Variants in DCBLD2 observed in about 807,000 individuals in gnomAD.
DCBLD2 encodes discoidin, CUB and LCCL domain-containing protein 2.
Under a neutral mutation model 86.8 loss-of-function variants are expected in DCBLD2, and 54 were observed. That is an observed-to-expected ratio of 0.62 (90% CI 0.50 to 0.78). DCBLD2 has a LOEUF of 0.78. DCBLD2 is among the 30% of genes least tolerant of loss of function. The probability of loss-of-function intolerance (pLI) is 0.00; values close to 1 mark genes in which losing one functional copy is unlikely to be tolerated. For synonymous variants in DCBLD2, 354 were observed against 341.3 expected (o/e 1.04, Z -0.41); for missense variants, 908 against 954.2 (o/e 0.95, Z 0.64).
chr3:98,900,212 G>C (rs184103831), intron 1 of DCBLD2, among the ~76,000 whole-genome samples: 273 of 152,204 alleles, frequency 1.8e-3, no homozygotes, highest in African/African-American at 5.7e-3. Flanking sequence ...TAAAGGCAGA[G>C]AACAATTTTC....
At chr3:98,835,938 CTT>C (rs66958811) in intron 3 of DCBLD2, among the ~76,000 whole-genome samples, 1 of 115,054 alleles carries the variant, frequency 8.7e-6, no homozygotes, top group African/African-American at 3.4e-5. Flanking sequence ...TCCTTTCTTT[CTT>C]TTTTTTTTTT....
intron 3 of DCBLD2, among the ~76,000 whole-genome samples, chr3:98,826,184 C>A (rs952445021): frequency 6.6e-6 from 1 of 151,720 alleles, no homozygotes; most frequent in East Asian, 1.9e-4. Context: ...GCAAAAAAAA[C>A]AAAACAAAAC....
At chr3:98,838,641 G>C (rs1942536943) in intron 3 of DCBLD2, among the ~76,000 whole-genome samples, 1 of 152,084 alleles carries the variant, frequency 6.6e-6, no homozygotes. Context: ...TTCCCAGACG[G>C]GGTGGCGGCT....
chr3:98,879,850 A>G (rs1464379888), intron 2 of DCBLD2, among the ~76,000 whole-genome samples: 1 of 152,152 alleles, frequency 6.6e-6, no homozygotes, highest in African/African-American at 2.4e-5. Context: ...CCTTACACTC[A>G]GTAGAATGTA....
chr3:98,898,208 C>T (rs1388175050), intron 1 of DCBLD2, among the ~76,000 whole-genome samples: 1 of 151,258 alleles, frequency 6.6e-6, no homozygotes, highest in Non-Finnish European at 1.5e-5. Context: ...TGTGAAAAGT[C>T]GGTAAGTTTT....
intron 2 of DCBLD2, among the ~76,000 whole-genome samples, chr3:98,864,401 G>T (rs202187146): frequency 1.6e-5 from 1 of 63,792 alleles, no homozygotes; most frequent in African/African-American, 4.0e-5. Flanking sequence ...AGGCACATGC[G>T]CATGTATGTT....
chr3:98,844,464 C>T (rs902112531), intron 3 of DCBLD2, among the ~76,000 whole-genome samples: 2 of 151,688 alleles, frequency 1.3e-5, no homozygotes, highest in Admixed American at 6.6e-5. Flanking sequence ...TACAAACAAA[C>T]GATTCTCCTG....
chr3:98,801,521 A>G, intron 14 of DCBLD2, 79 bp downstream of exon 14: 1 of 1,146,230 alleles, frequency 8.7e-7, no homozygotes, highest in South Asian at 1.5e-5. Flanking sequence ...CCAGAGAATG[A>G]CTCTTTTTTC....
chr3:98,801,361 T>C, intron 14 of DCBLD2: 1 of 448,740 alleles, frequency 2.2e-6, no homozygotes, highest in East Asian at 3.3e-5. Flanking sequence ...ACACAAGTTT[T>C]CCAGAAGAAA....
At chr3:98,812,252 A>G in intron 10 of DCBLD2, 80 bp downstream of exon 10, 1 of 1,532,748 alleles carries the variant, frequency 6.5e-7, no homozygotes, top group Non-Finnish European at 8.8e-7. Context: ...CACATTATTA[A>G]TTACTCTCTC....
chr3:98,825,945 C>T (rs1576165765), intron 3 of DCBLD2, among the ~76,000 whole-genome samples: 1 of 152,010 alleles, frequency 6.6e-6, no homozygotes, highest in Non-Finnish European at 1.5e-5. Context: ...TGAACTCCAT[C>T]CAGACTTACA....
rs56369137 is a variant in DCBLD2, at chr3:98,797,036, TA to T, written c.*2335del. 14,284 of 133,370 alleles carry T rather than the reference TA, an allele frequency of 0.11. 1,108 individuals are homozygous for T. The highest frequency in any genetic ancestry group is 0.24 in the African/African-American group (8,711 of 35,596). The allele number at this position is 133,370 out of a possible 1,614,324, so 8.3% of individuals were successfully genotyped here. A position where few individuals can be genotyped will look rare whatever the true frequency, so the allele number is the denominator to read the frequency against. ...ATATGTATCAGACATATAAATGTAG[TA>T]AAAAAAAAAAAAAAAAAAATAGAAA... is the stretch of plus-strand genomic sequence containing the variant. On this transcript the variant is annotated 3_prime_UTR_variant, in exon 16 of 16. Transcript: ENST00000326840.
chr3:98,799,674 C>T lies in DCBLD2; in HGVS notation c.2026G>A (p.Glu676Lys), dbSNP rs759645323. Residue 676 changes from glutamate to lysine, a missense_variant, in exon 16 of 16, where the codon GAG becomes AAG. Glu to Lys is a moderately conservative substitution (Grantham distance 56, BLOSUM62 1). Around this residue, in one of 3 missense-constraint regions of DCBLD2, gnomAD observed 606 missense variants for 678.5 expected, o/e 0.89. Coordinates refer to ENST00000326840, the MANE Select transcript of DCBLD2 (RefSeq NM_080927.4). ...TCCATGATGATTGGGGTTGCATACTCAGGCCCCGTAATTGGGAGTGGTTCA... is the reference window on the plus strand; with the variant it reads ...TCCATGATGATTGGGGTTGCATACTTAGGCCCCGTAATTGGGAGTGGTTCA... ...YAEPLPITGP[E>K]YATPIIMDMS... is the part of the protein sequence containing the mutation. 5.6e-6 allele frequency: 9 copies of T among 1,613,882 alleles called. No homozygotes were observed. The highest frequency in any genetic ancestry group is 8.5e-7 in the Non-Finnish European group (1 of 1,179,898).
Position 98,811,551 on chromosome 3 carries a change from C to T in DCBLD2, c.1367G>A (p.Arg456His), listed in dbSNP as rs186169797. 31 of 1,550,492 alleles carry T rather than the reference C, an allele frequency of 2.0e-5. No individual in the cohort carries two copies. In the East Asian group the frequency reaches 4.8e-4, roughly 24 times the overall value. ...LLGCQFIPKG[R>H]PPKLTQPPPP... is the part of the protein sequence containing the mutation. ...TGGAGGTTGAGTAAGTTTTGGAGGA[C>T]GACCTTGAAAAATGGTTTAGAAAAA... Residue 456 changes from arginine to histidine, a missense_variant, in exon 11 of 16, where the codon CGT (arginine) becomes CAT (histidine). Transcript: ENST00000326840.
chr3:98,875,717 G>A (rs532848063), intron 2 of DCBLD2, among the ~76,000 whole-genome samples: 1 of 152,240 alleles, frequency 6.6e-6, no homozygotes. Context: ...ATACATCTGT[G>A]GAGTGCAACC....
In DCBLD2 at chr3:98,799,538, C is replaced by G; in HGVS notation, c.2162G>C (p.Arg721Thr). Residue 721 changes from arginine (R) to threonine (T), a missense_variant, in exon 16 of 16, where the codon AGG (arginine) becomes ACG (threonine). Transcript: ENST00000326840. ...CTGGGCTGAGGAGCAGCTGTCAGTCCTGGAGAGAAGTGTATTGTAAGTTCC... is the reference window on the plus strand; with the variant it reads ...CTGGGCTGAGGAGCAGCTGTCAGTCGTGGAGAGAAGTGTATTGTAAGTTCC... ...LVGTYNTLLS[R>T]TDSCSSAQAQ... The G allele has an allele frequency of 6.2e-7, 1 of 1,613,954 alleles. No homozygotes were observed. The highest frequency in any genetic ancestry group is 1.1e-5 in the South Asian group (1 of 91,076).
intron 1 of DCBLD2, among the ~76,000 whole-genome samples, chr3:98,898,242 G>A (rs1432245888): frequency 3.3e-5 from 5 of 151,202 alleles, no homozygotes; most frequent in East Asian, 1.9e-4. Flanking sequence ...CATTTTATTC[G>A]GAGCCAAATA....
intron 3 of DCBLD2, among the ~76,000 whole-genome samples, chr3:98,844,025 A>G (rs1576177190): frequency 2.1e-5 from 1 of 47,954 alleles, no homozygotes; most frequent in Non-Finnish European, 4.5e-5. Context: ...CCACTTTCCA[A>G]TCATGCATGC....
At chr3:98,801,340 C>A in intron 14 of DCBLD2, 1 of 423,292 alleles carries the variant, frequency 2.4e-6, no homozygotes, top group Non-Finnish European at 4.2e-6. Flanking sequence ...AACAGATACA[C>A]AGGACAAACT....
Sources: allele counts gnomAD v4.1 joint callset (sites outside exome capture counted in the v4.1 genomes callset), GRCh38; gene constraint gnomAD v4.1.1; regional missense constraint gnomAD v4.1.1; transcripts MANE v1.5; gene names NCBI Gene and HGNC (gene_info 2026-07-23, HGNC 2026-07-21).